The following GP2 variants were observed in gnomAD, a reference collection of about 807,000 sequenced individuals.
The protein encoded by GP2 is glycoprotein 2.
Under a neutral mutation model 60.8 loss-of-function variants are expected in GP2, and 58 were observed. The observed-to-expected ratio is 0.95, with a 90% CI of 0.77 to 1.19. The LOEUF (loss-of-function observed/expected upper bound fraction) is 1.19. Among genes scored for constraint, GP2 ranks in the 50% most tolerant of loss-of-function variants. The pLI is 0.00. For synonymous variants in GP2, 280 were observed against 253.4 expected (o/e 1.10, Z -1.00); for missense variants, 647 against 667.4 (o/e 0.97, Z 0.34).
Position 20,324,179 on chromosome 16 carries a change from C to T in GP2, c.172G>A (p.Val58Ile), listed in dbSNP as rs1445919080. 3.1e-6 allele frequency: 5 copies of T among 1,614,014 alleles called. No individual in the cohort carries two copies. In the East Asian group the frequency reaches 8.9e-5, roughly 29 times the overall value. The change falls in exon 3 of 11, where the codon GTC (valine) becomes ATC (isoleucine). Residue 58 changes from valine to isoleucine, a missense_variant. By Grantham distance (29) the Val-to-Ile change is conservative (BLOSUM62 3). Transcript: ENST00000302555. ...TAATTCTGACAGGGGTCAAAACAGA[C>T]ATGAGCCTCTGGGGTGCCAGGAGCT... ...CGAPGTPEAH[V>I]CFDPCQNYTL...
intron 10 of GP2, among the ~76,000 whole-genome samples, chr16:20,312,076 C>T (rs1283448263): frequency 6.6e-6 from 1 of 152,170 alleles, no homozygotes; most frequent in African/African-American, 2.4e-5. Context: ...GCATTGAGAC[C>T]ATTGCCTGGC....
At chr16:20,314,951 C>T (rs185851458) in intron 9 of GP2, among the ~76,000 whole-genome samples, 3 of 152,172 alleles carry the variant, frequency 2.0e-5, no homozygotes, top group Admixed American at 2.0e-4. Context: ...GATGAGAAGA[C>T]TGGAGCTCAG....
At chr16:20,321,510 G>A (rs1964355576) in intron 4 of GP2, among the ~76,000 whole-genome samples, 2 of 152,216 alleles carry the variant, frequency 1.3e-5, no homozygotes, top group African/African-American at 4.8e-5. Flanking sequence ...ATGTACAGAT[G>A]CAGGGGGAGC....
intron 4 of GP2, 147 bp downstream of exon 4, chr16:20,322,722 C>G (rs1001350284): frequency 1.8e-6 from 1 of 564,002 alleles, no homozygotes; most frequent in African/African-American, 1.9e-5. Flanking sequence ...ACTGGCTTTA[C>G]AGCAAATGGA....
intron 7 of GP2, among the ~76,000 whole-genome samples, chr16:20,317,902 G>T (rs566629071): frequency 2.0e-5 from 3 of 152,242 alleles, no homozygotes; most frequent in African/African-American, 7.2e-5. Flanking sequence ...GTTCACTTCT[G>T]TGTAATAATC....
Position 20,311,247 on chromosome 16 carries a change from A to G in GP2, c.1581T>C (p.Thr527=). Residue 527 remains threonine (T), a synonymous_variant, in exon 11 of 11, where the codon ACT becomes ACC. Transcript: ENST00000302555. ...FLVAWPMVLL[T]VLLAWLF is the part of the protein sequence containing the mutation. ...CTCAGAACAGCCAAGCCAGGAGGAC[A>G]GTCAGGAGGACCATAGGCCAGGCCA... is the stretch of plus-strand genomic sequence containing the variant. 1 of 1,610,474 alleles carries G rather than the reference A, an allele frequency of 6.2e-7. No homozygotes were observed. The highest frequency in any genetic ancestry group is 8.5e-7 in the Non-Finnish European group (1 of 1,176,758).
At chr16:20,318,155 C>T (rs917350846) in intron 7 of GP2, 30 bp downstream of exon 7, 2 of 1,598,772 alleles carry the variant, frequency 1.3e-6, no homozygotes, top group Admixed American at 1.7e-5. Flanking sequence ...GTTAGTAAGG[C>T]CAAATGATAA....
At chr16:20,320,130 A>G in intron 5 of GP2, 132 bp downstream of exon 5, 1 of 667,668 alleles carries the variant, frequency 1.5e-6, no homozygotes, top group South Asian at 1.8e-5. Flanking sequence ...ATGTAAACCA[A>G]CTTGTGCACT....
Position 20,318,337 on chromosome 16 carries a change from A to T in GP2, c.1101T>A (p.Asp367Glu), listed in dbSNP as rs1402370235. ...DQNYTNPYEG[D>E]AVELSVESVL... ...CGGACTCAACAGACAGTTCAACTGC[A>T]TCCCCTTCGTAAGGATTCGTGTAGT... Residue 367 changes from aspartate (D) to glutamate (E), a missense_variant, in exon 7 of 11, where the codon GAT (aspartate) becomes GAA (glutamate). Physicochemically the swap from Asp to Glu is conservative, Grantham distance 45 (BLOSUM62 2). Coordinates refer to ENST00000302555, the MANE Select transcript of GP2 (RefSeq NM_001502.4). 6.2e-7 allele frequency: 1 copy of T among 1,613,754 alleles called. No individual in the cohort carries two copies. The highest frequency in any genetic ancestry group is 8.5e-7 in the Non-Finnish European group (1 of 1,179,620).
At chr16:20,318,145 G>A (rs748623504) in intron 7 of GP2, 40 bp downstream of exon 7, 14 of 1,571,958 alleles carry the variant, frequency 8.9e-6, no homozygotes, top group East Asian at 6.7e-5. Context: ...TCCTGTAAAC[G>A]TTAGTAAGGC....
At position 20,323,963 on chromosome 16, in the gene GP2, C is replaced by T. The variant is rs867088142; in HGVS notation, c.388G>A (p.Asp130Asn). ...CAGGCAGTGTGGTTGGTGATGCCAT[C>T]CCCAAGGGCAGGGTGGGTCCCATTC... ...WLNGTHPALGDGITNHTACAH... is the reference protein window; with the variant it reads ...WLNGTHPALGNGITNHTACAH... The change falls in exon 3 of 11, where the codon GAT becomes AAT. Residue 130 changes from aspartate to asparagine, a missense_variant. Physicochemically the swap from Asp to Asn is conservative, Grantham distance 23. Coordinates refer to ENST00000302555, the MANE Select transcript of GP2 (RefSeq NM_001502.4). 1.9e-6 allele frequency: 3 copies of T among 1,614,190 alleles called. No homozygotes were observed. Among genetic ancestry groups the T allele is most frequent in the Non-Finnish European group, 2.5e-6 (3 of 1,179,996 alleles).
In GP2 at chr16:20,311,752, C is replaced by T. The variant is rs535835701; in HGVS notation, c.1547-471G>A. On this transcript the variant is annotated intron_variant, in intron 10 of 10. Transcript: ENST00000302555. Reference sequence around the variant, plus strand: ...CGACTACATGGAGCAGAACTGCATCCCCTCCCCCAGTGATTTAGTGGGAAA... The same window carrying T: ...CGACTACATGGAGCAGAACTGCATCTCCTCCCCCAGTGATTTAGTGGGAAA... Among the ~76,000 whole-genome samples the T allele has an allele frequency of 5.3e-5, 8 of 152,244 alleles. No individual in the cohort carries two copies. The South Asian group carries it at 1.7e-3, about 32-fold the overall frequency.
At chr16:20,313,038 G>C (rs985456234) in intron 10 of GP2, among the ~76,000 whole-genome samples, 1 of 152,134 alleles carries the variant, frequency 6.6e-6, no homozygotes, top group African/African-American at 2.4e-5. Flanking sequence ...GGAACATAGA[G>C]AGTCCATCTT....
At chr16:20,317,118 C>CCCCCCCTTTTTTTT in intron 8 of GP2, 95 bp downstream of exon 8, 1 of 250,830 alleles carries the variant, frequency 4.0e-6, no homozygotes, top group Non-Finnish European at 7.6e-6. Flanking sequence ...CCCACCCTCC[C>CCCCCCCTTTTTTTT]TGCGTTTATA....
intron 4 of GP2, among the ~76,000 whole-genome samples, chr16:20,320,889 C>T (rs895534031): frequency 2.0e-5 from 3 of 152,142 alleles, no homozygotes; most frequent in African/African-American, 7.2e-5. Flanking sequence ...GGCACTGGGG[C>T]TACAACACTT....
rs535157045 is a variant in GP2 at position 20,323,258 on chromosome 16, C to CATGGA, written c.536-284_536-280dup. 2,976 of 678,000 alleles carry CATGGA rather than the reference C, an allele frequency of 4.4e-3. 16 individuals carry two copies. Among genetic ancestry groups the CATGGA allele is most frequent in the Non-Finnish European group, 5.4e-3 (1,984 of 364,700 alleles). The allele number at this position is 678,000 out of a possible 1,614,324, so 42.0% of individuals were successfully genotyped here. On this transcript the variant is annotated intron_variant, in intron 3 of 10. Transcript: ENST00000302555. ...GAAAGGACAGCATGGTGGTTAAGGCCATGGATGCTGGAGCTAGAATGCCAA... is the reference window on the plus strand; with the variant it reads ...GAAAGGACAGCATGGTGGTTAAGGCCATGGAATGGATGCTGGAGCTAGAATGCCAA...
chr16:20,312,889 G>A (rs1964031380), intron 10 of GP2, among the ~76,000 whole-genome samples: 1 of 152,010 alleles, frequency 6.6e-6, no homozygotes, highest in Admixed American at 6.6e-5. Flanking sequence ...ACGTCAGGTG[G>A]TCTGCCTGTC....
rs1010654408 is a variant in GP2 at position 20,323,713 on chromosome 16, G to T, written c.535+103C>A. 51 of 751,488 alleles carry T rather than the reference G, an allele frequency of 6.8e-5. 1 individual carries two copies. Among genetic ancestry groups the T allele is most frequent in the Middle Eastern group, 3.1e-4 (1 of 3,222 alleles). 46.6% of individuals were successfully genotyped at this position (751,488 alleles called of 1,614,324 possible). ...GCAGGAGCTGAGTCGAGGCTGCTCT[G>T]CATCCTCTCCTGTCTCCTCTTGACT... is the stretch of plus-strand genomic sequence containing the variant. On this transcript the variant is annotated intron_variant, in intron 3 of 10. Transcript: ENST00000302555.
chr16:20,326,285 C>T (rs1332042491), intron 2 of GP2, 53 bp downstream of exon 2: 1 of 1,570,132 alleles, frequency 6.4e-7, no homozygotes, highest in Admixed American at 1.7e-5. Context: ...CTTCTATCCT[C>T]ACTTGCTAGG....
Sources: gnomAD v4.1 joint callset for allele counts (sites outside exome capture counted in the v4.1 genomes callset) on GRCh38, gnomAD v4.1.1 for gene constraint, MANE v1.5 for transcripts, NCBI Gene and HGNC (gene_info 2026-07-23, HGNC 2026-07-21) for gene names.